EPHA3: variants seen among roughly 807,000 people sequenced by gnomAD.
EPHA3 encodes EPH receptor A3, also known as ephrin type-A receptor 3.
In EPHA3, 42 loss-of-function variants were observed where a neutral mutation model predicts 107.1. That is an observed-to-expected ratio of 0.39 (90% confidence interval 0.31 to 0.51). EPHA3 has a LOEUF of 0.51. EPHA3 is among the 20% of genes least tolerant of loss of function. EPHA3 has a pLI of 0.78. For synonymous variants in EPHA3, 461 were observed against 424.8 expected (o/e 1.09, Z -1.05); for missense variants, 1,183 against 1,211.2 (o/e 0.98, Z 0.35).
chr3:89,365,272 C>T (rs927756768), intron 5 of EPHA3, among the ~76,000 whole-genome samples: 1 of 150,544 alleles, frequency 6.6e-6, no homozygotes, highest in African/African-American at 2.4e-5. Context: ...TAATTGTCCC[C>T]TCAGATATAG....
intron 16 of EPHA3, among the ~76,000 whole-genome samples, chr3:89,477,066 GAC>G (rs200762725): frequency 0.017 from 2,610 of 152,250 alleles, 89 homozygotes; most frequent in African/African-American, 0.058. Context: ...CTCAAAAACT[GAC>G]TTTGCTGTCG....
chr3:89,451,717 C>T (rs1305593199), intron 15 of EPHA3, among the ~76,000 whole-genome samples: 4 of 152,130 alleles, frequency 2.6e-5, no homozygotes, highest in Non-Finnish European at 5.9e-5. Context: ...TAACCAGTTG[C>T]TTCTCAATAT....
chr3:89,407,429 G>T (rs1709077074), intron 8 of EPHA3, 58 bp downstream of exon 8: 1 of 1,374,246 alleles, frequency 7.3e-7, no homozygotes, highest in Non-Finnish European at 1.0e-6. Context: ...TGCTGCCACT[G>T]ATTGCTGTTA....
At chr3:89,191,358 G>C (rs1174218401) in intron 2 of EPHA3, among the ~76,000 whole-genome samples, 1 of 151,422 alleles carries the variant, frequency 6.6e-6, no homozygotes, top group Admixed American at 6.6e-5. Context: ...CCAGGCTGGA[G>C]TGCTGTGGCA....
intron 2 of EPHA3, among the ~76,000 whole-genome samples, chr3:89,150,589 T>C (rs1487351299): frequency 1.3e-5 from 2 of 152,012 alleles, no homozygotes; most frequent in Non-Finnish European, 2.9e-5. Context: ...CAGATGCACA[T>C]ATACATATTA....
At chr3:89,294,977 C>T (rs1350074001) in intron 3 of EPHA3, among the ~76,000 whole-genome samples, 2 of 152,024 alleles carry the variant, frequency 1.3e-5, no homozygotes, top group Non-Finnish European at 2.9e-5. Flanking sequence ...CAGTTTGATC[C>T]TTGTGAGTTC....
chr3:89,159,670 T>C (rs1447717067), intron 2 of EPHA3, among the ~76,000 whole-genome samples: 1 of 152,136 alleles, frequency 6.6e-6, no homozygotes, highest in Non-Finnish European at 1.5e-5. Context: ...TATAGGAAAG[T>C]GGCTCATTTT....
At chr3:89,281,858 CA>C (rs1429760591) in intron 3 of EPHA3, among the ~76,000 whole-genome samples, 10 of 152,276 alleles carry the variant, frequency 6.6e-5, no homozygotes, top group Admixed American at 6.5e-4. Context: ...TGTAAAAAAG[CA>C]TACACATGGC....
chr3:89,136,830 A>G (rs1451355038), intron 2 of EPHA3, among the ~76,000 whole-genome samples: 1 of 151,926 alleles, frequency 6.6e-6, no homozygotes, highest in Non-Finnish European at 1.5e-5. Context: ...AATATTTCAT[A>G]TATTTGCTAT....
At chr3:89,212,251 C>T (rs1263518333) in intron 3 of EPHA3, among the ~76,000 whole-genome samples, 2 of 151,604 alleles carry the variant, frequency 1.3e-5, no homozygotes, top group South Asian at 2.1e-4. Flanking sequence ...TTTAATTTAC[C>T]ATGTATATAA....
chr3:89,123,246 C>A (rs1331441363), intron 1 of EPHA3, among the ~76,000 whole-genome samples: 1 of 152,162 alleles, frequency 6.6e-6, no homozygotes, highest in Non-Finnish European at 1.5e-5. Flanking sequence ...CGGGTTGAAG[C>A]GATTCTCCTG....
At chr3:89,231,511 G>C (rs1704634588) in intron 3 of EPHA3, among the ~76,000 whole-genome samples, 1 of 151,974 alleles carries the variant, frequency 6.6e-6, no homozygotes, top group South Asian at 2.1e-4. Context: ...TAATTGTGTT[G>C]TCACTGCTCT....
chr3:89,354,063 T>A lies in EPHA3; in HGVS notation c.1306+11973T>A, dbSNP rs539827045. On this transcript the variant is annotated intron_variant, in intron 5 of 16. Coordinates refer to ENST00000336596, the MANE Select transcript of EPHA3 (RefSeq NM_005233.6). ...AAGAATTAGACTTTTGATGCTAACTTGTTGTATGTTAACTATATTCCCCCA... is the reference window on the plus strand; with the variant it reads ...AAGAATTAGACTTTTGATGCTAACTAGTTGTATGTTAACTATATTCCCCCA... 5.9e-5 allele frequency among the ~76,000 whole-genome samples: 9 copies of A among 151,430 alleles called. No individual in the cohort carries two copies. In the South Asian group the frequency reaches 1.9e-3, roughly 31 times the overall value.
In EPHA3 at chr3:89,361,469, A is replaced by ATGAC. The variant is rs949899448; in HGVS notation, c.1306+19382_1306+19385dup. Among the ~76,000 whole-genome samples, 5 of 151,004 alleles carry ATGAC rather than the reference A, an allele frequency of 3.3e-5. 1 individual carries two copies. Among genetic ancestry groups the ATGAC allele is most frequent in the African/African-American group, 1.2e-4 (5 of 41,324 alleles). Reference sequence around the variant, plus strand: ...ATGATATAGAGAGGCCCCTGGTTCAATGACTGTTAGTACAGCTGTGTCCCA... The same window carrying ATGAC: ...ATGATATAGAGAGGCCCCTGGTTCAATGACTGACTGTTAGTACAGCTGTGTCCCA... On this transcript the variant is annotated intron_variant, in intron 5 of 16. Coordinates refer to ENST00000336596, the MANE Select transcript of EPHA3 (RefSeq NM_005233.6).
At chr3:89,171,638 T>C (rs1261219135) in intron 2 of EPHA3, among the ~76,000 whole-genome samples, 1 of 152,216 alleles carries the variant, frequency 6.6e-6, no homozygotes, top group Non-Finnish European at 1.5e-5. Flanking sequence ...TTAATTGCTT[T>C]AGGGTACAAC....
At chr3:89,192,869 TG>T (rs1343467537) in intron 2 of EPHA3, among the ~76,000 whole-genome samples, 1 of 152,114 alleles carries the variant, frequency 6.6e-6, no homozygotes. Flanking sequence ...TAAAATATAC[TG>T]GATTTATTTA....
At chr3:89,159,413 AG>A (rs2107065656) in intron 2 of EPHA3, among the ~76,000 whole-genome samples, 1 of 152,210 alleles carries the variant, frequency 6.6e-6, no homozygotes, top group East Asian at 1.9e-4. Context: ...GACCACAGCA[AG>A]CACCACCAAA....
intron 13 of EPHA3, among the ~76,000 whole-genome samples, chr3:89,445,360 G>A (rs756713757): frequency 6.6e-6 from 1 of 151,862 alleles, no homozygotes; most frequent in Non-Finnish European, 1.5e-5. Context: ...TGAGTTGTTT[G>A]GATATCATAT....
At chr3:89,236,638 G>A (rs1023549124) in intron 3 of EPHA3, among the ~76,000 whole-genome samples, 6 of 150,660 alleles carry the variant, frequency 4.0e-5, no homozygotes, top group South Asian at 4.2e-4. Flanking sequence ...GCTAGAGGAC[G>A]AGTTAGTGGG....
Sources: allele counts gnomAD v4.1 joint callset (sites outside exome capture counted in the v4.1 genomes callset), GRCh38; gene constraint gnomAD v4.1.1; transcripts MANE v1.5; gene names NCBI Gene and HGNC (gene_info 2026-07-23, HGNC 2026-07-21).